TST: variants seen among roughly 807,000 people sequenced by gnomAD.
TST encodes epididymis secretory sperm binding protein.
Under a neutral mutation model 20.4 loss-of-function variants are expected in TST, and 22 were observed. The ratio of observed to expected loss-of-function variants is 1.08; its 90% confidence interval spans 0.77 to 1.54. The LOEUF is 1.54. TST is among the 40% of genes most tolerant of loss of function. TST has a pLI of 0.00. For synonymous variants in TST, 187 were observed against 173.8 expected, an observed-to-expected ratio of 1.08 and a Z score of -0.60; for missense variants, 392 against 405.2, an observed-to-expected ratio of 0.97 and a Z score of 0.28.
At chr22:37,013,860 A>C (rs912980764) in intron 2 of TST, among the ~76,000 whole-genome samples, 3 of 145,986 alleles carry the variant, frequency 2.1e-5, no homozygotes, top group African/African-American at 7.8e-5. Flanking sequence ...TGTTGTCCCC[A>C]TCCCTGATGA....
Position 37,018,200 on chromosome 22 carries a change from T to C in TST, c.533A>G (p.Gln178Arg), listed in dbSNP as rs759628301. The change falls in exon 2 of 3, where the codon CAG (glutamine) becomes CGG (arginine). Residue 178 changes from glutamine to arginine, a missense_variant. Gln to Arg is a conservative substitution (Grantham distance 43, BLOSUM62 1). Coordinates refer to ENST00000249042, the MANE Select transcript of TST (RefSeq NM_003312.6). ...VLENLESKRF[Q>R]LVDSRSQGRF... ...CCCTTGAGACCTTGAATCCACCAGC[T>C]GGAACCTCTTAGATTCAAGGTTCTC... 1 of 1,612,252 alleles carries C rather than the reference T, an allele frequency of 6.2e-7. No individual in the cohort carries two copies. The highest frequency in any genetic ancestry group is 8.5e-7 in the Non-Finnish European group (1 of 1,179,110).
chr22:37,015,935 CTT>C lies in TST; in HGVS notation c.595+2201_595+2202del, dbSNP rs1000783141. Among the ~76,000 whole-genome samples, 433 of 73,856 alleles carry C rather than the reference CTT, an allele frequency of 5.9e-3. 6 individuals carry two copies. The highest frequency in any genetic ancestry group is 0.051 in the South Asian group (102 of 2,000). The allele number at this position is 73,856 out of a possible 152,430, so 48.5% of individuals were successfully genotyped here. On this transcript the variant is annotated intron_variant, in intron 2 of 2. Coordinates refer to ENST00000249042, the MANE Select transcript of TST (RefSeq NM_003312.6). ...TGAAATCCCTTTCCAGCCACTGCTA[CTT>C]TTTTTTTTTTTTTTTTTTTTTTTTG...
Position 37,018,539 on chromosome 22 carries a change from C to T in TST, c.194G>A (p.Arg65Gln). The change falls in exon 2 of 3, where the codon CGG becomes CAG. Residue 65 changes from arginine to glutamine, a missense_variant. Coordinates refer to ENST00000249042, the MANE Select transcript of TST (RefSeq NM_003312.6). ...CATCTCGTAGGGCGACGCCGTGTCC[C>T]GGCACTCTTCTATGTCAAAGAAAGA... ...GASFFDIEEC[R>Q]DTASPYEMML... is the part of the protein sequence containing the mutation. The T allele has an allele frequency of 6.3e-7, 1 of 1,579,360 alleles. No individual in the cohort carries two copies.
At chr22:37,015,305 C>A (rs1922637442) in intron 2 of TST, among the ~76,000 whole-genome samples, 1 of 152,202 alleles carries the variant, frequency 6.6e-6, no homozygotes, top group Admixed American at 6.5e-5. Flanking sequence ...GGGTCGATAC[C>A]CTCCTCCCTT....
Position 37,011,229 on chromosome 22 carries a change from G to A in TST, c.692C>T (p.Ala231Val), listed in dbSNP as rs757524576. The change falls in exon 3 of 3, where the codon GCT (alanine) becomes GTT (valine). Residue 231 changes from alanine (A) to valine (V), a missense_variant. Physicochemically the swap from Ala to Val is moderately conservative, Grantham distance 64. Coordinates refer to ENST00000249042, the MANE Select transcript of TST (RefSeq NM_003312.6). ...ATCCACCTTCTTGGTCTGGAACAGA[G>A]CACGGAGCTCTTCTGGGCCCTTCTC... The part of the protein sequence containing the change: ...GFEKGPEELR[A>V]LFQTKKVDLS... 6.2e-7 allele frequency: 1 copy of A among 1,614,040 alleles called. No individual in the cohort carries two copies. The highest frequency in any genetic ancestry group is 1.1e-5 in the South Asian group (1 of 91,086).
chr22:37,018,196 C>T lies in TST; in HGVS notation c.537G>A (p.Leu179=), dbSNP rs1349706423. The T allele has an allele frequency of 1.2e-6, 2 of 1,609,018 alleles. No individual in the cohort carries two copies. The highest frequency in any genetic ancestry group is 2.2e-5 in the South Asian group (2 of 90,586). The change falls in exon 2 of 3, where the codon CTG becomes CTA. Residue 179 remains leucine, a synonymous_variant. Coordinates refer to ENST00000249042, the MANE Select transcript of TST (RefSeq NM_003312.6). ...ACCGCCCTTGAGACCTTGAATCCACCAGCTGGAACCTCTTAGATTCAAGGT... is the reference window on the plus strand; with the variant it reads ...ACCGCCCTTGAGACCTTGAATCCACTAGCTGGAACCTCTTAGATTCAAGGT... ...LENLESKRFQ[L]VDSRSQGRFL...
At chr22:37,019,755 C>T (rs545443388), upstream of TST, 57 of 603,890 alleles carry the variant, frequency 9.4e-5, no homozygotes, top group African/African-American at 8.5e-4. Flanking sequence ...CCGGAGTCTC[C>T]TCCCTTTGGT....
At position 37,011,284 on chromosome 22, in the gene TST, A is replaced by C. The variant is rs1922470189; in HGVS notation, c.637T>G (p.Phe213Val). ...CCATCCTCAGTCAGGAAGTCCATGA[A>C]AGGCATGTTGACGGCACCACGGATA... ...GHIRGAVNMP[F>V]MDFLTEDGFE... is the part of the protein sequence containing the mutation. Residue 213 changes from phenylalanine (F) to valine (V), a missense_variant, in exon 3 of 3, where the codon TTC becomes GTC. Coordinates refer to ENST00000249042, the MANE Select transcript of TST (RefSeq NM_003312.6). The C allele has an allele frequency of 6.2e-7, 1 of 1,613,756 alleles. No individual in the cohort carries two copies.
At chr22:37,011,763 A>AGTCT (rs1005545670) in intron 2 of TST, among the ~76,000 whole-genome samples, 23 of 152,364 alleles carry the variant, frequency 1.5e-4, no homozygotes, top group African/African-American at 5.5e-4. Context: ...GGTGAAAGGC[A>AGTCT]GAGACACAGC....
At chr22:37,019,604 A>C, upstream of TST, 2 of 216,602 alleles carry the variant, frequency 9.2e-6, no homozygotes, top group Non-Finnish European at 9.0e-6. Flanking sequence ...GGCCTCCGGG[A>C]CCCGCGGGGG....
At chr22:37,019,806 C>T (rs1422920160), upstream of TST, 6 of 1,133,326 alleles carry the variant, frequency 5.3e-6, no homozygotes, top group Non-Finnish European at 6.7e-6. Context: ...CAGCTGCGGG[C>T]GCGGGGAGGG....
intron 2 of TST, among the ~76,000 whole-genome samples, chr22:37,011,681 C>T (rs907085581): frequency 6.6e-6 from 1 of 152,138 alleles, no homozygotes; most frequent in Non-Finnish European, 1.5e-5. Flanking sequence ...GTGGTACATA[C>T]CTATCTCACA....
chr22:37,011,150 C>T lies in TST; in HGVS notation c.771G>A (p.Val257=), dbSNP rs369178834. 3.0e-5 allele frequency: 49 copies of T among 1,613,774 alleles called. No individual in the cohort carries two copies. Among genetic ancestry groups the T allele is most frequent in the South Asian group, 2.1e-4 (19 of 91,078 alleles). The stretch of plus-strand genomic sequence containing the variant: ...TGCCGCAGAGGTAGGCAGCCAAGGC[C>T]ACGTGGCAGGCGGTGACTCCCTTGC... ...TCRKGVTACH[V]ALAAYLCGKP... The change falls in exon 3 of 3, where the codon GTG becomes GTA. Residue 257 remains valine, a synonymous_variant. Coordinates refer to ENST00000249042, the MANE Select transcript of TST (RefSeq NM_003312.6).
At chr22:37,019,755 C>G (rs545443388), upstream of TST, 1 of 603,776 alleles carries the variant, frequency 1.7e-6, no homozygotes, top group South Asian at 8.3e-5. Flanking sequence ...CCGGAGTCTC[C>G]TCCCTTTGGT....
chr22:37,011,397 T>A, intron 2 of TST, 72 bp from the exon 3 acceptor site: 1 of 1,485,582 alleles, frequency 6.7e-7, no homozygotes, highest in Middle Eastern at 1.8e-4. Context: ...GAGGATTCCA[T>A]CAGCTATAGC....
At chr22:37,011,361 T>G (rs1196319695) in intron 2 of TST, 36 bp from the exon 3 acceptor site, 2 of 1,586,514 alleles carry the variant, frequency 1.3e-6, no homozygotes, top group Non-Finnish European at 1.7e-6. Flanking sequence ...AGGGGATGTA[T>G]GAGGGGTGGG....
rs148893857 is a variant in TST at position 37,011,180 on chromosome 22, C to T, written c.741G>A (p.Thr247=). Residue 247 remains threonine, a synonymous_variant, in exon 3 of 3, where the codon ACG becomes ACA. Transcript: ENST00000249042. ...KVDLSQPLIA[T]CRKGVTACHV... ...GGCAGGCGGTGACTCCCTTGCGGCA[C>T]GTGGCAATGAGAGGCTGCGAGAGAT... The T allele has an allele frequency of 5.0e-5, 81 of 1,613,764 alleles. No individual in the cohort carries two copies. In the African/African-American group the frequency reaches 8.7e-4, roughly 17 times the overall value.
chr22:37,014,383 AC>A lies in TST; in HGVS notation c.596-3059del, dbSNP rs1435781999. 2.3e-4 allele frequency among the ~76,000 whole-genome samples: 35 copies of A among 152,188 alleles called. No individual in the cohort carries two copies. The East Asian group carries it at 5.8e-3, about 25-fold the overall frequency. The stretch of plus-strand genomic sequence containing the variant: ...AGACTCCGTCTCAAAAAACAAACAA[AC>A]AAACAAAAAGAACAGCCAGTTGGTG... On this transcript the variant is annotated intron_variant, in intron 2 of 2. Transcript: ENST00000249042.
rs1922820970 is a variant in TST, at chr22:37,018,764, T to G, written c.-21-11A>C. 6.9e-7 allele frequency: 1 copy of G among 1,446,964 alleles called. No homozygotes were observed. The highest frequency in any genetic ancestry group is 1.4e-5 in the South Asian group (1 of 69,246). The allele number at this position is 1,446,964 out of a possible 1,614,324, so 89.6% of individuals were successfully genotyped here. A position where few individuals can be genotyped will look rare whatever the true frequency, so the allele number is the denominator to read the frequency against. On this transcript the variant is annotated splice_polypyrimidine_tract_variant and intron_variant, in intron 1 of 2. Transcript: ENST00000249042. ...AGCTCTGCGTGTCACCTGGCACGGG[T>G]GGGAACCAGGAAAGAGAGACAGGCG...
Sources: allele counts gnomAD v4.1 joint callset (sites outside exome capture counted in the v4.1 genomes callset), GRCh38; gene constraint gnomAD v4.1.1; transcripts MANE v1.5; gene names NCBI Gene and HGNC (gene_info 2026-07-23, HGNC 2026-07-21).